Variants in CHAT observed in about 807,000 individuals in gnomAD.
CHAT encodes the protein choline O-acetyltransferase.
Under a neutral mutation model 76.9 loss-of-function variants are expected in CHAT, and 61 were observed. The ratio of observed to expected loss-of-function variants is 0.79; its 90% CI spans 0.65 to 0.98. CHAT has a LOEUF of 0.98. Among genes scored for constraint, CHAT ranks in the 50% least tolerant of loss-of-function variants. The pLI, the probability that CHAT is intolerant of heterozygous loss-of-function variation, is 0.00. For synonymous variants in CHAT, 407 were observed against 397.4 expected, an observed-to-expected ratio of 1.02 and a Z score of -0.29; for missense variants, 946 against 986.9, an observed-to-expected ratio of 0.96 and a Z score of 0.56.
chr10:49,631,797 G>A (rs1020205796), intron 7 of CHAT, among the ~76,000 whole-genome samples: 1 of 152,140 alleles, frequency 6.6e-6, no homozygotes, highest in South Asian at 2.1e-4. Flanking sequence ...TGGAGATGGA[G>A]GAGTTGGGAG....
At chr10:49,627,275 G>A (rs1838955530) in intron 6 of CHAT, among the ~76,000 whole-genome samples, 1 of 152,226 alleles carries the variant, frequency 6.6e-6, no homozygotes, top group Non-Finnish European at 1.5e-5. Flanking sequence ...TTAGTCATAG[G>A]TATGCACATT....
intron 7 of CHAT, among the ~76,000 whole-genome samples, chr10:49,633,770 G>C (rs560862380): frequency 6.6e-6 from 1 of 152,320 alleles, no homozygotes; most frequent in Non-Finnish European, 1.5e-5. Flanking sequence ...GGCTTTCCTG[G>C]GTGCTGCCGT....
rs202059535 is a variant in CHAT, at chr10:49,619,789, G to A, written c.452G>A (p.Arg151Gln). 67 of 1,613,988 alleles carry A rather than the reference G, an allele frequency of 4.2e-5. No individual in the cohort carries two copies. The highest frequency in any genetic ancestry group is 3.1e-4 in the East Asian group (14 of 44,898). Residue 151 changes from arginine to glutamine, a missense_variant, in exon 3 of 15, where the codon CGA (arginine) becomes CAA (glutamine). This residue lies in a region of CHAT where 548 missense variants were observed against 516.2 expected (regional missense o/e 1.06). Transcript: ENST00000337653. ...QTLATYLQCM[R>Q]HLVSEEQFRK... ...CTGGCCACGTACCTGCAGTGCATGC[G>A]ACACTTGGTGTCTGAGGAGCAGTTC...
intron 8 of CHAT, 111 bp from the exon 9 acceptor site, chr10:49,648,396 T>C (rs759253557): frequency 8.1e-6 from 6 of 738,462 alleles, no homozygotes; most frequent in Non-Finnish European, 1.5e-5. Flanking sequence ...TGTGCTCTGG[T>C]GTCCCTGGAG....
In CHAT at chr10:49,651,928, A is replaced by G. The variant is rs1397928436; in HGVS notation, c.1556A>G (p.Tyr519Cys). The G allele has an allele frequency of 6.2e-7, 1 of 1,614,148 alleles. No individual in the cohort carries two copies. Among genetic ancestry groups the G allele is most frequent in the Non-Finnish European group, 8.5e-7 (1 of 1,179,964 alleles). The change falls in exon 11 of 15, where the codon TAT (tyrosine) becomes TGT (cysteine). Residue 519 changes from tyrosine to cysteine, a missense_variant. By Grantham distance (194) the Tyr-to-Cys change is radical. This residue lies in a region of CHAT where 349 missense variants were observed against 393.9 expected (regional missense o/e 0.89). Coordinates refer to ENST00000337653, the MANE Select transcript of CHAT (RefSeq NM_020549.5). ...TTCATTGTCTATAAGTTTGACAACT[A>G]TGGGAAAACATTCATTAAGAAGCAG... ...LDFIVYKFDN[Y>C]GKTFIKKQKC...
At chr10:49,630,950 A>C (rs1839098644) in intron 7 of CHAT, among the ~76,000 whole-genome samples, 1 of 152,196 alleles carries the variant, frequency 6.6e-6, no homozygotes, top group Non-Finnish European at 1.5e-5. Context: ...GTGGGAAAGA[A>C]GACTTGAAAA....
intron 7 of CHAT, among the ~76,000 whole-genome samples, chr10:49,630,685 A>G (rs977756545): frequency 1.3e-5 from 2 of 152,236 alleles, no homozygotes; most frequent in African/African-American, 4.8e-5. Flanking sequence ...ATTTAGTAAA[A>G]GAAATTGATG....
chr10:49,610,563 A>C, upstream of CHAT: 1 of 561,626 alleles, frequency 1.8e-6, no homozygotes, highest in Non-Finnish European at 2.9e-6. Context: ...GCCTCGCCGG[A>C]CGGAGTCCTT....
In CHAT at chr10:49,614,133, C is replaced by G; in HGVS notation, c.-57C>G. ...TGCCCGAGTTCCTCCGGGAAGCGCT[C>G]CGGGTAGATTCTGGGGGCCGGGAGC... is the stretch of plus-strand genomic sequence containing the variant. On this transcript the variant is annotated 5_prime_UTR_variant, in exon 1 of 15. Transcript: ENST00000337653. 1 of 1,543,938 alleles carries G rather than the reference C, an allele frequency of 6.5e-7. No homozygotes were observed. Among genetic ancestry groups the G allele is most frequent in the South Asian group, 1.2e-5 (1 of 83,770 alleles).
intron 6 of CHAT, among the ~76,000 whole-genome samples, chr10:49,625,968 C>G (rs913267735): frequency 2.6e-5 from 4 of 152,202 alleles, no homozygotes; most frequent in Non-Finnish European, 5.9e-5. Flanking sequence ...CAGGCTCTGG[C>G]CTTTCTGGAG....
At chr10:49,644,404 A>G (rs999184811) in intron 7 of CHAT, among the ~76,000 whole-genome samples, 4 of 152,040 alleles carry the variant, frequency 2.6e-5, no homozygotes, top group African/African-American at 9.7e-5. Flanking sequence ...TGGTGACTGC[A>G]CCTCCTTAAG....
At chr10:49,631,689 G>A (rs1190147815) in intron 7 of CHAT, among the ~76,000 whole-genome samples, 2 of 152,176 alleles carry the variant, frequency 1.3e-5, no homozygotes, top group Non-Finnish European at 2.9e-5. Flanking sequence ...AGTGTGGGAT[G>A]CTTGAAACTG....
rs146715921 is a variant in CHAT at position 49,653,974 on chromosome 10, C to T, written c.1635-1121C>T. Among the ~76,000 whole-genome samples, 555 of 152,358 alleles carry T rather than the reference C, an allele frequency of 3.6e-3. 4 individuals carry two copies. The highest frequency in any genetic ancestry group is 0.013 in the African/African-American group (521 of 41,580). ...CCAGGAAAGGACATAGCCAGAGGCT[C>T]CTGGGTTCATCGAATGGCCAAAGAG... is the stretch of plus-strand genomic sequence containing the variant. On this transcript the variant is annotated intron_variant, in intron 11 of 14. Transcript: ENST00000337653.
chr10:49,610,591 GGGC>G, upstream of CHAT: 1 of 675,458 alleles, frequency 1.5e-6, no homozygotes. Flanking sequence ...CCGGGACGCT[GGGC>G]CATGAGCTCC....
chr10:49,640,100 G>C (rs924249576), intron 7 of CHAT, among the ~76,000 whole-genome samples: 19 of 151,470 alleles, frequency 1.3e-4, no homozygotes, highest in African/African-American at 4.4e-4. Flanking sequence ...TTTTTCATTT[G>C]TTTCAAATAT....
rs3793795 is a variant in CHAT, at chr10:49,649,560, G to A, written c.1435G>A (p.Ala479Thr). The A allele has an allele frequency of 1.7e-5, 27 of 1,613,688 alleles. No homozygotes were observed. The highest frequency in any genetic ancestry group is 6.7e-5 in the East Asian group (3 of 44,900). ...AGCAGACTCCGTCAGCGAGCTCCCC[G>A]CCCCCCGGAGGCTGCGGTGGAAATG... ...IRADSVSELP[A>T]PRRLRWKCSP... The change falls in exon 10 of 15, where the codon GCC becomes ACC. Residue 479 changes from alanine to threonine, a missense_variant. Ala to Thr is a moderately conservative substitution (Grantham distance 58). Coordinates refer to ENST00000337653, the MANE Select transcript of CHAT (RefSeq NM_020549.5).
In CHAT at chr10:49,628,767, G is replaced by A. The variant is rs546679943; in HGVS notation, c.1111+982G>A. Among the ~76,000 whole-genome samples the A allele has an allele frequency of 2.5e-4, 38 of 152,372 alleles. No homozygotes were observed. In the South Asian group the frequency reaches 7.2e-3, roughly 29 times the overall value. ...AAGCCCCATGGCATGAGTGAGAAAG[G>A]CTGGAGGGAAGGATGGTACCCAGGC... On this transcript the variant is annotated intron_variant, in intron 7 of 14. Coordinates refer to ENST00000337653, the MANE Select transcript of CHAT (RefSeq NM_020549.5).
At chr10:49,638,562 A>T (rs1027222698) in intron 7 of CHAT, among the ~76,000 whole-genome samples, 10 of 152,128 alleles carry the variant, frequency 6.6e-5, no homozygotes, top group Admixed American at 1.3e-4. Flanking sequence ...TTCAATTTTG[A>T]TATACCTGTA....
At chr10:49,610,762 G>C (rs1276077262), upstream of CHAT, 1 of 1,548,060 alleles carries the variant, frequency 6.5e-7, no homozygotes, top group African/African-American at 1.4e-5. Flanking sequence ...GGAACCTGCG[G>C]GCCAGGCCCG....
Sources: allele counts gnomAD v4.1 joint callset (sites outside exome capture counted in the v4.1 genomes callset), GRCh38; gene constraint gnomAD v4.1.1; regional missense constraint gnomAD v4.1.1; transcripts MANE v1.5; gene names NCBI Gene and HGNC (gene_info 2026-07-23, HGNC 2026-07-21).